EIF4A2: variants seen among roughly 807,000 people sequenced by gnomAD.
The protein encoded by EIF4A2 is eukaryotic translation initiation factor 4A2.
Under a neutral mutation model 50.6 loss-of-function variants are expected in EIF4A2, and 9 were observed. The ratio of observed to expected loss-of-function variants is 0.18; its 90% CI spans 0.11 to 0.31. The LOEUF (loss-of-function observed/expected upper bound fraction) is 0.31. Among genes scored for constraint, EIF4A2 ranks in the 10% least tolerant of loss-of-function variants. The pLI, the probability that EIF4A2 is intolerant of heterozygous loss-of-function variation, is 1.00. For missense variants in EIF4A2, 182 were observed against 501.8 expected, an observed-to-expected ratio of 0.36 and a Z score of 6.09; for synonymous variants, 215 against 164.4, an observed-to-expected ratio of 1.31 and a Z score of -2.35.
chr3:186,785,810 T>C (rs1721671043), intron 4 of EIF4A2, 73 bp from the exon 5 acceptor site: 3 of 1,528,588 alleles, frequency 2.0e-6, no homozygotes, highest in South Asian at 2.5e-5. Flanking sequence ...CAGATTATAT[T>C]TGCCTTTATG....
In EIF4A2 at chr3:186,785,676, A is replaced by G. The variant is rs771037614; in HGVS notation, c.349-207A>G. ...TCTAGCTGATGCGTGGAGCAGCAGC[A>G]TCCCAAGTTTGACAAGGCATAAGAA... On this transcript the variant is annotated intron_variant, in intron 4 of 10. Coordinates refer to ENST00000323963, the MANE Select transcript of EIF4A2 (RefSeq NM_001967.4). 4 of 545,954 alleles carry G rather than the reference A, an allele frequency of 7.3e-6. No homozygotes were observed. In the African/African-American group the frequency reaches 7.4e-5, roughly 10 times the overall value. The allele number at this position is 545,954 out of a possible 1,614,324, so 33.8% of individuals were successfully genotyped here.
At chr3:186,788,283 TAA>T (rs571773703) in intron 10 of EIF4A2, 1 of 1,291,946 alleles carries the variant, frequency 7.7e-7, no homozygotes, top group Non-Finnish European at 1.0e-6. Context: ...TTATATGATG[TAA>T]AAAAAGACTT....
At chr3:186,785,254 A>G (rs956552399) in intron 4 of EIF4A2, 153 bp downstream of exon 4, 3 of 1,119,260 alleles carry the variant, frequency 2.7e-6, no homozygotes, top group South Asian at 1.6e-5. Flanking sequence ...TGAAAGTTTT[A>G]AAAGAACTGG....
At chr3:186,784,183 G>C in intron 1 of EIF4A2, 1 of 573,608 alleles carries the variant, frequency 1.7e-6, no homozygotes, top group Admixed American at 3.3e-5. Context: ...GGCGCTCCGA[G>C]CTCTCGCGAG....
chr3:186,784,726 G>GT (rs1560083730), intron 3 of EIF4A2, 30 bp downstream of exon 3: 1 of 1,611,524 alleles, frequency 6.2e-7, no homozygotes, highest in Non-Finnish European at 8.5e-7. Context: ...TTAGGAAATT[G>GT]TTCTACATAG....
chr3:186,784,620 C>G lies in EIF4A2; in HGVS notation c.132C>G (p.Leu44=). Residue 44 remains leucine (L), a synonymous_variant, in exon 3 of 11, where the codon CTC becomes CTG. Transcript: ENST00000323963. ...NFDDMNLKES[L]LRGIYAYGFE... ...ATGATATGAATTTAAAGGAGTCTCT[C>G]CTTCGTGGCATCTATGCTTACGGTT... The G allele has an allele frequency of 6.2e-7, 1 of 1,614,222 alleles. No homozygotes were observed. The highest frequency in any genetic ancestry group is 8.5e-7 in the Non-Finnish European group (1 of 1,180,040).
chr3:186,786,856 T>G, intron 7 of EIF4A2: 1 of 885,426 alleles, frequency 1.1e-6, no homozygotes, highest in Non-Finnish European at 1.9e-6. Context: ...AATATCTCAT[T>G]AGACCTAACA....
chr3:186,788,539 G>C (rs1560087100), intron 10 of EIF4A2: 1 of 827,278 alleles, frequency 1.2e-6, no homozygotes, highest in Non-Finnish European at 1.6e-6. Flanking sequence ...GGTTTGTATT[G>C]TCTGGTTTCT....
chr3:186,785,672 C>T (rs985469390), intron 4 of EIF4A2: 1 of 534,130 alleles, frequency 1.9e-6, no homozygotes, highest in Admixed American at 3.2e-5. Context: ...CGTGGAGCAG[C>T]AGCATCCCAA....
chr3:186,787,660 C>A, intron 9 of EIF4A2, 76 bp downstream of exon 9: 1 of 1,596,184 alleles, frequency 6.3e-7, no homozygotes, highest in Non-Finnish European at 8.6e-7. Flanking sequence ...TAACCTTTGC[C>A]AACTTGGGCT....
intron 9 of EIF4A2, 97 bp from the exon 10 acceptor site, chr3:186,787,706 C>CTA: frequency 6.3e-7 from 1 of 1,579,806 alleles, no homozygotes; most frequent in South Asian, 1.1e-5. Flanking sequence ...CCACAGTGGG[C>CTA]TATACCACTT....
chr3:186,786,794 G>A (rs765590984), intron 7 of EIF4A2, 149 bp downstream of exon 7: 3 of 1,101,010 alleles, frequency 2.7e-6, no homozygotes, highest in Non-Finnish European at 4.2e-6. Context: ...TGTAAAGACT[G>A]GGGTGGACCT....
Position 186,784,422 on chromosome 3 carries a change from T to G in EIF4A2, c.30-10T>G. The G allele has an allele frequency of 6.2e-7, 1 of 1,614,196 alleles. No homozygotes were observed. Among genetic ancestry groups the G allele is most frequent in the Non-Finnish European group, 8.5e-7 (1 of 1,180,030 alleles). ...GAAGGGGTGTCTGACTGCAGTATTC[T>G]TGTCAGCAGAGAACATGGCGGCCCA... On this transcript the variant is annotated splice_polypyrimidine_tract_variant and intron_variant, in intron 1 of 10. Transcript: ENST00000323963.
chr3:186,787,975 T>C, intron 10 of EIF4A2, 93 bp downstream of exon 10: 7 of 1,329,754 alleles, frequency 5.3e-6, no homozygotes, highest in Non-Finnish European at 7.4e-6. Context: ...AAGGAATAGA[T>C]TCAGTAAAGT....
chr3:186,788,838 T>G (rs1309649103), intron 10 of EIF4A2: 1 of 332,960 alleles, frequency 3.0e-6, no homozygotes, highest in Admixed American at 4.7e-5. Context: ...GGTATGGGCT[T>G]TAATTTCACT....
Position 186,789,113 on chromosome 3 carries a change from T to TTTCTTA in EIF4A2, c.1080-11_1080-6dup. On this transcript the variant is annotated splice_polypyrimidine_tract_variant and intron_variant, in intron 10 of 10. Coordinates refer to ENST00000323963, the MANE Select transcript of EIF4A2 (RefSeq NM_001967.4). Reference sequence around the variant, plus strand: ...TGTGAGAAGTAACGTTCTGATTCTTTTTCTTACACAGAATTGGCAGAGGGG... The same window carrying TTTCTTA: ...TGTGAGAAGTAACGTTCTGATTCTTTTTCTTATTCTTACACAGAATTGGCAGAGGGG... 6.2e-7 allele frequency: 1 copy of TTTCTTA among 1,611,380 alleles called. No individual in the cohort carries two copies. Among genetic ancestry groups the TTTCTTA allele is most frequent in the South Asian group, 1.1e-5 (1 of 90,768 alleles).
chr3:186,788,432 T>C, intron 10 of EIF4A2: 1 of 1,241,206 alleles, frequency 8.1e-7, no homozygotes, highest in South Asian at 1.4e-5. Flanking sequence ...TATTTATATT[T>C]GTTTTTCTTT....
Position 186,787,487 on chromosome 3 carries a change from A to AT in EIF4A2, c.910-5dup. On this transcript the variant is annotated splice_region_variant and splice_polypyrimidine_tract_variant and intron_variant, in intron 8 of 10. Transcript: ENST00000323963. ...GTGATTCTTGAATTAAGGTTTATTA[A>AT]TTTGCAGCATGGTGACATGGACCAG... 6.2e-7 allele frequency: 1 copy of AT among 1,612,238 alleles called. No homozygotes were observed. Among genetic ancestry groups the AT allele is most frequent in the East Asian group, 2.2e-5 (1 of 44,868 alleles).
chr3:186,786,294 C>T (rs759291333), intron 6 of EIF4A2, 21 bp downstream of exon 6: 6 of 1,599,202 alleles, frequency 3.8e-6, no homozygotes, highest in East Asian at 2.2e-5. Flanking sequence ...CTTCACCCCC[C>T]TCTTAAAGGT....
Sources: gnomAD v4.1 joint callset for allele counts on GRCh38, gnomAD v4.1.1 for gene constraint, MANE v1.5 for transcripts, NCBI Gene and HGNC (gene_info 2026-07-23, HGNC 2026-07-21) for gene names.